The following SNAP91 variants were observed in gnomAD, a reference collection of about 807,000 sequenced individuals.
SNAP91 encodes synaptosome associated protein 91, also known as clathrin coat assembly protein AP180.
SNAP91 carries 27 observed loss-of-function variants against 100.3 expected under a neutral mutation model. That is an observed-to-expected ratio of 0.27 (90% CI 0.20 to 0.37). The LOEUF (loss-of-function observed/expected upper bound fraction) is 0.37. Among genes scored for constraint, SNAP91 ranks in the 10% least tolerant of loss-of-function variants. SNAP91 has a pLI of 1.00. For missense variants in SNAP91, 986 were observed against 1,123.7 expected, an observed-to-expected ratio of 0.88 and a Z score of 1.75; for synonymous variants, 404 against 398.6, an observed-to-expected ratio of 1.01 and a Z score of -0.16.
At chr6:83,700,399 G>A (rs2099276387) in intron 2 of SNAP91, among the ~76,000 whole-genome samples, 1 of 151,940 alleles carries the variant, frequency 6.6e-6, no homozygotes, top group South Asian at 2.1e-4. Flanking sequence ...AGCAATAATA[G>A]TACTAGTAAT....
chr6:83,691,546 A>T (rs2099130282), intron 2 of SNAP91, among the ~76,000 whole-genome samples: 1 of 152,102 alleles, frequency 6.6e-6, no homozygotes, highest in Non-Finnish European at 1.5e-5. Context: ...TATTTTACAA[A>T]TTGTTCCTCA....
chr6:83,577,250 G>A (rs1437364172), intron 24 of SNAP91, among the ~76,000 whole-genome samples: 1 of 152,094 alleles, frequency 6.6e-6, no homozygotes, highest in Non-Finnish European at 1.5e-5. Flanking sequence ...ATTAGAGGAT[G>A]AAGTTAATAT....
chr6:83,681,338 G>T (rs1266105532), intron 2 of SNAP91, among the ~76,000 whole-genome samples: 2 of 152,166 alleles, frequency 1.3e-5, no homozygotes, highest in African/African-American at 4.8e-5. Context: ...AGCAGTCACT[G>T]CTTCTGAGGA....
chr6:83,664,176 A>G (rs554508080), intron 3 of SNAP91, among the ~76,000 whole-genome samples: 6 of 152,312 alleles, frequency 3.9e-5, no homozygotes, highest in East Asian at 1.9e-4. Flanking sequence ...ATGGAGATGC[A>G]CAAAGAGATG....
Position 83,645,978 on chromosome 6 carries a change from A to G in SNAP91, c.659-4776T>C, listed in dbSNP as rs1005350753. ...ATTTAAGATTCCTTCACGCCTTTTC[A>G]TGGATTGATATTGCATTTCCTTTTA... On this transcript the variant is annotated intron_variant, in intron 7 of 29. Transcript: ENST00000369694. 2.6e-5 allele frequency among the ~76,000 whole-genome samples: 4 copies of G among 152,084 alleles called. No homozygotes were observed. In the East Asian group the frequency reaches 7.7e-4, roughly 29 times the overall value.
At position 83,552,942 on chromosome 6, in the gene SNAP91, T is replaced by G. The variant is rs1042490862; in HGVS notation, c.*1354A>C. 2.0e-5 allele frequency: 3 copies of G among 152,612 alleles called. No homozygotes were observed. Among genetic ancestry groups the G allele is most frequent in the Non-Finnish European group, 4.4e-5 (3 of 68,028 alleles). 9.5% of individuals were successfully genotyped at this position (152,612 alleles called of 1,614,324 possible). The stretch of plus-strand genomic sequence containing the variant: ...TCTCAGAGGGCGTACATGCACTGGG[T>G]TTTTAAACTGAAATACAAAGAAAGC... On this transcript the variant is annotated 3_prime_UTR_variant, in exon 30 of 30. Transcript: ENST00000369694.
At chr6:83,559,199 C>T (rs1315622910) in intron 28 of SNAP91, among the ~76,000 whole-genome samples, 1 of 152,158 alleles carries the variant, frequency 6.6e-6, no homozygotes, top group Non-Finnish European at 1.5e-5. Context: ...GATTTTAGGG[C>T]TGGGTCTTTG....
At chr6:83,609,535 T>A (rs2095855885) in intron 12 of SNAP91, among the ~76,000 whole-genome samples, 1 of 152,192 alleles carries the variant, frequency 6.6e-6, no homozygotes, top group Admixed American at 6.5e-5. Context: ...CATAATGATA[T>A]CCTTGAATAT....
intron 8 of SNAP91, among the ~76,000 whole-genome samples, chr6:83,627,213 T>C (rs1024005952): frequency 2.6e-5 from 4 of 152,106 alleles, no homozygotes; most frequent in East Asian, 1.9e-4. Context: ...TTGATTGTGG[T>C]GAATTAACTT....
intron 26 of SNAP91, among the ~76,000 whole-genome samples, chr6:83,563,732 A>G (rs1792115357): frequency 6.6e-6 from 1 of 152,198 alleles, no homozygotes; most frequent in African/African-American, 2.4e-5. Context: ...ATAATCGAAA[A>G]ATTTAATTAT....
chr6:83,567,593 T>G (rs1232292038), intron 26 of SNAP91, among the ~76,000 whole-genome samples: 1 of 152,102 alleles, frequency 6.6e-6, no homozygotes, highest in Admixed American at 6.5e-5. Context: ...ATTTTTGCGA[T>G]CTACTCATCT....
At chr6:83,570,559 G>T (rs1054323887) in intron 26 of SNAP91, among the ~76,000 whole-genome samples, 17 of 139,730 alleles carry the variant, frequency 1.2e-4, no homozygotes, top group South Asian at 2.5e-4. Flanking sequence ...GGGGTGGCGG[G>T]GGGGGAAGTG....
At chr6:83,638,523 A>G (rs1258106751) in intron 8 of SNAP91, among the ~76,000 whole-genome samples, 4 of 152,104 alleles carry the variant, frequency 2.6e-5, no homozygotes, top group African/African-American at 9.7e-5. Flanking sequence ...ACACCACTTT[A>G]GATGATCCAT....
intron 8 of SNAP91, among the ~76,000 whole-genome samples, chr6:83,633,540 C>A (rs544742152): frequency 1.3e-5 from 2 of 152,004 alleles, no homozygotes; most frequent in Admixed American, 6.5e-5. Context: ...TTTCCTTGGG[C>A]GGGTCTTGCT....
At chr6:83,566,031 T>C (rs893452420) in intron 26 of SNAP91, among the ~76,000 whole-genome samples, 2 of 152,136 alleles carry the variant, frequency 1.3e-5, no homozygotes, top group African/African-American at 2.4e-5. Flanking sequence ...TTATGTGTAA[T>C]AGAAACAACA....
At chr6:83,601,238 G>A in intron 16 of SNAP91, 33 bp downstream of exon 16, 1 of 1,608,270 alleles carries the variant, frequency 6.2e-7, no homozygotes, top group Non-Finnish European at 8.5e-7. Flanking sequence ...TAGCAATCCT[G>A]AAAAAATGAA....
chr6:83,553,060 T>C lies in SNAP91; in HGVS notation c.*1236A>G, dbSNP rs1404451603. ...ATACAACCACTTTTAAATGGTACCA[T>C]ACATCTATTAAATAATTTGAAAAAT... On this transcript the variant is annotated 3_prime_UTR_variant, in exon 30 of 30. Transcript: ENST00000369694. 1 of 152,568 alleles carries C rather than the reference T, an allele frequency of 6.6e-6. No individual in the cohort carries two copies. The highest frequency in any genetic ancestry group is 1.5e-5 in the Non-Finnish European group (1 of 68,018). 9.5% of individuals were successfully genotyped at this position (152,568 alleles called of 1,614,324 possible). A position where few individuals can be genotyped will look rare whatever the true frequency, so the allele number is the denominator to read the frequency against.
Position 83,669,999 on chromosome 6 carries a change from TGG to T in SNAP91, c.131-4420_131-4419del, listed in dbSNP as rs1473967514. ...TACGGACATATGCCTTCATTTCTCTTGGGTAATTTTCTAGAAGTAGAATAGTT... is the reference window on the plus strand; with the variant it reads ...TACGGACATATGCCTTCATTTCTCTTGTAATTTTCTAGAAGTAGAATAGTT... On this transcript the variant is annotated intron_variant, in intron 2 of 29. Transcript: ENST00000369694. 2.0e-5 allele frequency among the ~76,000 whole-genome samples: 3 copies of T among 151,996 alleles called. No individual in the cohort carries two copies. The East Asian group carries it at 5.8e-4, about 29-fold the overall frequency.
In SNAP91 at chr6:83,610,710, A is replaced by AATAT. The variant is rs747428612; in HGVS notation, c.885-37_885-34dup. On this transcript the variant is annotated intron_variant, in intron 11 of 29. Transcript: ENST00000369694. ...GCAACATAAAAAAAAATTAAAACTGAATATATATATATATATATATATATA... is the reference window on the plus strand; with the variant it reads ...GCAACATAAAAAAAAATTAAAACTGAATATATATATATATATATATATATATATA... The AATAT allele has an allele frequency of 2.8e-3, 593 of 211,382 alleles. 7 individuals carry two copies. The highest frequency in any genetic ancestry group is 4.5e-3 in the Admixed American group (72 of 16,064). 13.1% of individuals were successfully genotyped at this position (211,382 alleles called of 1,614,324 possible).
Sources: gnomAD v4.1 joint callset for allele counts (sites outside exome capture counted in the v4.1 genomes callset) on GRCh38, gnomAD v4.1.1 for gene constraint, MANE v1.5 for transcripts, NCBI Gene and HGNC (gene_info 2026-07-23, HGNC 2026-07-21) for gene names.